FNBP1: variants seen among roughly 807,000 people sequenced by gnomAD.
FNBP1 encodes formin binding protein 1.
A neutral mutation model predicts 90.6 loss-of-function variants in FNBP1; 26 were observed. The observed-to-expected ratio is 0.29, with a 90% confidence interval of 0.21 to 0.40. The LOEUF (loss-of-function observed/expected upper bound fraction) is 0.40, where lower values mean the gene tolerates loss of function less well. FNBP1 is among the 10% of genes least tolerant of loss of function. The pLI is 1.00. For missense variants in FNBP1, 635 were observed against 768.0 expected (o/e 0.83, Z 2.05); for synonymous variants, 260 against 265.2 (o/e 0.98, Z 0.19).
intron 12 of FNBP1, among the ~76,000 whole-genome samples, chr9:129,905,946 C>T (rs1240438894): frequency 6.0e-5 from 9 of 150,070 alleles, no homozygotes; most frequent in South Asian, 2.1e-4. Context: ...TGTAATGGCG[C>T]GATCTCAGCT....
chr9:129,943,907 G>C (rs556536335), intron 6 of FNBP1, among the ~76,000 whole-genome samples: 5,431 of 138,974 alleles, frequency 0.039, 98 homozygotes, highest in South Asian at 0.072. Flanking sequence ...GCAGGAGAGT[G>C]GCGTGAACCT....
chr9:129,910,141 T>A (rs1184037751), intron 11 of FNBP1: 1 of 456,206 alleles, frequency 2.2e-6, no homozygotes. Context: ...TCTGGCTAAA[T>A]TGTGATGTCA....
intron 2 of FNBP1, among the ~76,000 whole-genome samples, chr9:129,980,844 G>A (rs995027170): frequency 6.6e-6 from 1 of 151,794 alleles, no homozygotes; most frequent in Non-Finnish European, 1.5e-5. Flanking sequence ...GAGGTCAGGA[G>A]ATCGAGACCA....
At chr9:129,973,688 T>C (rs1195533755) in intron 4 of FNBP1, among the ~76,000 whole-genome samples, 3 of 147,302 alleles carry the variant, frequency 2.0e-5, no homozygotes, top group African/African-American at 7.5e-5. Context: ...TTTTTTTTAG[T>C]AGAGACGGGT....
intron 1 of FNBP1, among the ~76,000 whole-genome samples, chr9:130,032,424 GC>G (rs2058887506): frequency 2.0e-5 from 3 of 152,220 alleles, no homozygotes; most frequent in Non-Finnish European, 4.4e-5. Flanking sequence ...TCTCGCCTTG[GC>G]CTCCCCAAAT....
In FNBP1 at chr9:129,957,323, C is replaced by A; in HGVS notation, c.513+37G>T. On this transcript the variant is annotated intron_variant, in intron 6 of 16. Coordinates refer to ENST00000446176, the MANE Select transcript of FNBP1 (RefSeq NM_015033.3). The surrounding 1 kb of genome is among the most constrained non-coding windows in gnomAD (Gnocchi z 4.3). ...AAAGTGCTGGGATTACAGGCGTGAG[C>A]CACCGTGCCCGGCCCACACTTGAGC... 6.8e-7 allele frequency: 1 copy of A among 1,461,774 alleles called. No individual in the cohort carries two copies. Among genetic ancestry groups the A allele is most frequent in the Non-Finnish European group, 9.6e-7 (1 of 1,044,622 alleles). 90.6% of individuals were successfully genotyped at this position (1,461,774 alleles called of 1,614,324 possible).
intron 4 of FNBP1, among the ~76,000 whole-genome samples, chr9:129,972,452 T>C (rs1171027021): frequency 6.6e-6 from 1 of 152,028 alleles, no homozygotes; most frequent in Non-Finnish European, 1.5e-5. Context: ...TACACATTTT[T>C]AGAAAGGTCA....
chr9:129,922,212 G>GA (rs996050547), intron 10 of FNBP1, among the ~76,000 whole-genome samples: 2 of 152,136 alleles, frequency 1.3e-5, no homozygotes, highest in Admixed American at 6.5e-5. Context: ...TGGCCATTGA[G>GA]AATGATTTGG....
At chr9:129,936,769 ATAT>A (rs1368680577) in intron 6 of FNBP1, among the ~76,000 whole-genome samples, 1 of 152,154 alleles carries the variant, frequency 6.6e-6, no homozygotes, top group Non-Finnish European at 1.5e-5. Context: ...AGGCCACTGG[ATAT>A]TATTTTCTAT....
rs1184356071 is a variant in FNBP1, at chr9:129,888,864, C to T, written c.*1675G>A. 4.3e-6 allele frequency: 1 copy of T among 232,434 alleles called. No homozygotes were observed. Among genetic ancestry groups the T allele is most frequent in the Non-Finnish European group, 8.5e-6 (1 of 117,612 alleles). 14.4% of individuals were successfully genotyped at this position (232,434 alleles called of 1,614,324 possible). On this transcript the variant is annotated 3_prime_UTR_variant, in exon 17 of 17. Coordinates refer to ENST00000446176, the MANE Select transcript of FNBP1 (RefSeq NM_015033.3). ...CTTTCCGTCCCTGTCCCTTTGGCTT[C>T]TATAGGACTTCCTTGTCTTAGATTC...
intron 1 of FNBP1, among the ~76,000 whole-genome samples, chr9:130,022,565 AC>A (rs2057942727): frequency 6.6e-6 from 1 of 152,252 alleles, no homozygotes; most frequent in Non-Finnish European, 1.5e-5. Flanking sequence ...TTACATAGTT[AC>A]AAGTAGAAAA....
In FNBP1 at chr9:130,041,141, TCA is replaced by T. The variant is rs2059792096; in HGVS notation, c.24+1809_24+1810del. On this transcript the variant is annotated intron_variant, in intron 1 of 16. Transcript: ENST00000446176. This position sits in a 1 kb window ranked among gnomAD's most constrained non-coding sequence, Gnocchi z 4.3. ...CCTGAGCCACTGCGCCCGGCCTCTC[TCA>T]TTTATTTTCAATCACTCCTAACCCT... 6.6e-6 allele frequency among the ~76,000 whole-genome samples: 1 copy of T among 151,872 alleles called. No homozygotes were observed. Among genetic ancestry groups the T allele is most frequent in the Non-Finnish European group, 1.5e-5 (1 of 67,976 alleles).
At chr9:130,028,214 A>AT (rs2058527202) in intron 1 of FNBP1, among the ~76,000 whole-genome samples, 1 of 152,240 alleles carries the variant, frequency 6.6e-6, no homozygotes. Context: ...GGGATGGGCA[A>AT]TATTGTTGTG....
chr9:129,944,840 G>A (rs2044977160), intron 6 of FNBP1, among the ~76,000 whole-genome samples: 1 of 152,150 alleles, frequency 6.6e-6, no homozygotes, highest in Admixed American at 6.5e-5. Flanking sequence ...GTAATACAAA[G>A]ATCAGGAACA....
At chr9:129,954,269 C>T (rs1003205016) in intron 6 of FNBP1, among the ~76,000 whole-genome samples, 6 of 151,774 alleles carry the variant, frequency 4.0e-5, no homozygotes, top group African/African-American at 1.5e-4. Context: ...ATATGGAATC[C>T]GTAGTTTGTA....
chr9:129,959,595 A>G (rs2047488132), intron 4 of FNBP1, among the ~76,000 whole-genome samples: 1 of 152,176 alleles, frequency 6.6e-6, no homozygotes, highest in Non-Finnish European at 1.5e-5. Flanking sequence ...GTCTCAAAAA[A>G]TAAAAAAATA....
At chr9:130,039,572 A>T (rs1463060691) in intron 1 of FNBP1, among the ~76,000 whole-genome samples, 1 of 151,744 alleles carries the variant, frequency 6.6e-6, no homozygotes, top group Non-Finnish European at 1.5e-5. Flanking sequence ...GCTACTCAGG[A>T]GGCTAAGGCA....
At chr9:129,929,779 C>T in intron 6 of FNBP1, 84 bp from the exon 7 acceptor site, 4 of 1,310,642 alleles carry the variant, frequency 3.1e-6, no homozygotes, top group Non-Finnish European at 3.2e-6. Context: ...TAGAACTGCA[C>T]ACTGGGATGC....
chr9:129,980,588 C>T (rs1349671532), intron 2 of FNBP1, among the ~76,000 whole-genome samples: 1 of 151,678 alleles, frequency 6.6e-6, no homozygotes, highest in African/African-American at 2.4e-5. Flanking sequence ...AGTTTCCCTT[C>T]CTAATCTCAT....
Sources: gnomAD v4.1 joint callset for allele counts (sites outside exome capture counted in the v4.1 genomes callset) on GRCh38, gnomAD v4.1.1 for gene constraint, Gnocchi (gnomAD v3.1) non-coding constraint, MANE v1.5 for transcripts, NCBI Gene and HGNC (gene_info 2026-07-23, HGNC 2026-07-21) for gene names.